DCAKD: variants seen among roughly 807,000 people sequenced by gnomAD.
The protein encoded by DCAKD is dephospho-CoA kinase domain-containing protein.
Under a neutral mutation model 18.7 loss-of-function variants are expected in DCAKD, and 15 were observed. That is an observed-to-expected ratio of 0.80 (90% CI 0.54 to 1.24). The LOEUF is 1.24. DCAKD is among the 50% of genes most tolerant of loss of function. The probability of loss-of-function intolerance (pLI) is 0.00; values close to 1 mark genes in which losing one functional copy is unlikely to be tolerated. For synonymous variants in DCAKD, 130 were observed against 133.0 expected (o/e 0.98, Z 0.16); for missense variants, 301 against 322.0 (o/e 0.93, Z 0.50).
chr17:45,029,840 G>C (rs2053137798), intron 4 of DCAKD, among the ~76,000 whole-genome samples: 1 of 152,132 alleles, frequency 6.6e-6, no homozygotes, highest in Non-Finnish European at 1.5e-5. Context: ...GGGCTGAAGT[G>C]CCTGCAATGG....
At chr17:45,045,609 G>A (rs1171505139) in intron 1 of DCAKD, among the ~76,000 whole-genome samples, 1 of 151,828 alleles carries the variant, frequency 6.6e-6, no homozygotes, top group Non-Finnish European at 1.5e-5. Flanking sequence ...GCGTGTGCCT[G>A]TAGTCCCAGC....
chr17:45,027,788 C>T (rs1276493324), intron 4 of DCAKD, among the ~76,000 whole-genome samples: 1 of 152,056 alleles, frequency 6.6e-6, no homozygotes, highest in East Asian at 1.9e-4. Context: ...GAGTTCAAGA[C>T]CAGCCTGACC....
chr17:45,031,800 G>A (rs1373850576), intron 3 of DCAKD: 1 of 985,304 alleles, frequency 1.0e-6, no homozygotes, highest in Non-Finnish European at 1.2e-6. Context: ...ACTCTATTAA[G>A]ACATCCGTCT....
chr17:45,055,159 A>T (rs1466186767), upstream of DCAKD, among the ~76,000 whole-genome samples: 1 of 152,178 alleles, frequency 6.6e-6, no homozygotes, highest in Non-Finnish European at 1.5e-5. Flanking sequence ...TCAGGATGGC[A>T]ATAAGAAACT....
chr17:45,049,757 T>A (rs2053651228), intron 1 of DCAKD, among the ~76,000 whole-genome samples: 1 of 146,774 alleles, frequency 6.8e-6, no homozygotes, highest in South Asian at 2.2e-4. Flanking sequence ...CTTGCTCTTG[T>A]CACCCAGGCT....
upstream of DCAKD, among the ~76,000 whole-genome samples, chr17:45,052,125 C>T (rs943684632): frequency 6.6e-6 from 1 of 151,256 alleles, no homozygotes; most frequent in East Asian, 1.9e-4. Context: ...GAGAGGCCGG[C>T]GGGGAGAGCT....
intron 3 of DCAKD, among the ~76,000 whole-genome samples, chr17:45,033,385 C>T (rs565179136): frequency 6.6e-6 from 1 of 152,182 alleles, no homozygotes; most frequent in Admixed American, 6.5e-5. Context: ...ACCAAACCTG[C>T]CCCTGACTGC....
intron 1 of DCAKD, among the ~76,000 whole-genome samples, chr17:45,046,112 G>A (rs1423753088): frequency 6.6e-6 from 1 of 152,094 alleles, no homozygotes; most frequent in Non-Finnish European, 1.5e-5. Context: ...ACAGGCGTGA[G>A]CCACTGTGCC....
chr17:45,038,644 G>C (rs973765536), intron 1 of DCAKD, among the ~76,000 whole-genome samples: 1 of 152,164 alleles, frequency 6.6e-6, no homozygotes, highest in Non-Finnish European at 1.5e-5. Flanking sequence ...GGGGGCTGAG[G>C]GGGTGTGTGG....
intron 3 of DCAKD, among the ~76,000 whole-genome samples, chr17:45,032,407 A>G (rs1288126977): frequency 6.7e-6 from 1 of 149,818 alleles, no homozygotes; most frequent in Non-Finnish European, 1.5e-5. Context: ...GGAGGGAGGT[A>G]TTGGCCACAG....
At chr17:45,038,414 G>C (rs1020032531) in intron 1 of DCAKD, among the ~76,000 whole-genome samples, 5 of 152,054 alleles carry the variant, frequency 3.3e-5, no homozygotes, top group African/African-American at 7.2e-5. Flanking sequence ...AGAAGGGAGG[G>C]GACTTCCCAC....
intron 1 of DCAKD, among the ~76,000 whole-genome samples, chr17:45,058,180 G>C (rs1445503668): frequency 1.3e-5 from 2 of 151,246 alleles, no homozygotes; most frequent in Non-Finnish European, 2.9e-5. Flanking sequence ...CCAGGCATGG[G>C]GGTGCGCACC....
At position 45,051,369 on chromosome 17, in the gene DCAKD, T is replaced by C. The variant is rs1195258621; in HGVS notation, c.-123A>G. The stretch of plus-strand genomic sequence containing the variant: ...GATATAAAAGCACTTGCCTTAGTGC[T>C]GGCCGCATACGACGCGCTCAATACA... On this transcript the variant is annotated 5_prime_UTR_variant, in exon 1 of 5. Transcript: ENST00000651974. 1 of 152,180 alleles carries C rather than the reference T, an allele frequency of 6.6e-6. No homozygotes were observed. The highest frequency in any genetic ancestry group is 1.9e-4 in the East Asian group (1 of 5,170). The allele number at this position is 152,180 out of a possible 1,614,324, so 9.4% of individuals were successfully genotyped here. A position where few individuals can be genotyped will look rare whatever the true frequency, so the allele number is the denominator to read the frequency against.
chr17:45,028,436 T>G (rs572837021), intron 4 of DCAKD, among the ~76,000 whole-genome samples: 25 of 113,408 alleles, frequency 2.2e-4, no homozygotes, highest in African/African-American at 7.7e-4. Context: ...TGAGACGGAG[T>G]TTCATTCTTG....
At chr17:45,033,810 G>A in intron 3 of DCAKD, 4 of 1,123,748 alleles carry the variant, frequency 3.6e-6, no homozygotes, top group Admixed American at 3.6e-5. Flanking sequence ...AAAATGAGCT[G>A]AGGGCGAGAT....
intron 2 of DCAKD, 80 bp downstream of exon 2, chr17:45,034,694 T>A: frequency 1.4e-6 from 2 of 1,451,048 alleles, no homozygotes; most frequent in Non-Finnish European, 1.9e-6. Context: ...CTGAGACTTA[T>A]AAAAAAAGGA....
chr17:45,052,221 G>A (rs1352436615), upstream of DCAKD, among the ~76,000 whole-genome samples: 1 of 152,138 alleles, frequency 6.6e-6, no homozygotes, highest in African/African-American at 2.4e-5. Flanking sequence ...GGAAGGAGAG[G>A]GAGAGAGAGG....
chr17:45,025,790 C>T (rs1464288379), intron 4 of DCAKD, among the ~76,000 whole-genome samples: 2 of 143,710 alleles, frequency 1.4e-5, no homozygotes, highest in South Asian at 2.2e-4. Context: ...CTCACTCTGT[C>T]GCCCAGGCTG....
intron 1 of DCAKD, among the ~76,000 whole-genome samples, chr17:45,046,976 A>C (rs912123912): frequency 5.3e-5 from 8 of 152,186 alleles, no homozygotes; most frequent in African/African-American, 1.4e-4. Context: ...ACTAAGGAAC[A>C]AATCCTTGCA....
Sources: allele counts gnomAD v4.1 joint callset (sites outside exome capture counted in the v4.1 genomes callset), GRCh38; gene constraint gnomAD v4.1.1; transcripts MANE v1.5; gene names NCBI Gene and HGNC (gene_info 2026-07-23, HGNC 2026-07-21).